CHRNB3: variants seen among roughly 807,000 people sequenced by gnomAD.
The protein encoded by CHRNB3 is neuronal acetylcholine receptor subunit beta-3.
In CHRNB3, 37 loss-of-function variants were observed where a neutral mutation model predicts 40.6. That is an observed-to-expected ratio of 0.91 (90% confidence interval 0.70 to 1.20). The LOEUF (loss-of-function observed/expected upper bound fraction) is 1.20. CHRNB3 is among the 50% of genes most tolerant of loss of function. CHRNB3 has a pLI of 0.00. For synonymous variants in CHRNB3, 207 were observed against 207.1 expected, an observed-to-expected ratio of 1.00 and a Z score of 0.00; for missense variants, 505 against 551.2, an observed-to-expected ratio of 0.92 and a Z score of 0.84.
chr8:42,720,663 C>T (rs564162477), intron 3 of CHRNB3, among the ~76,000 whole-genome samples: 1 of 152,290 alleles, frequency 6.6e-6, no homozygotes, highest in South Asian at 2.1e-4. Context: ...TCTTTGAAAA[C>T]AGTGAGCCCC....
At chr8:42,700,916 A>G (rs1815781461) in intron 1 of CHRNB3, among the ~76,000 whole-genome samples, 1 of 151,740 alleles carries the variant, frequency 6.6e-6, no homozygotes, top group African/African-American at 2.4e-5. Context: ...GGCGTCTGAG[A>G]GACTGAGGAA....
In CHRNB3 at chr8:42,715,976, C is replaced by CCTTTTT. The variant is rs1554590400; in HGVS notation, c.249+5542_249+5543insCTTTTT. 9.7e-5 allele frequency among the ~76,000 whole-genome samples: 12 copies of CCTTTTT among 124,194 alleles called. 1 individual carries two copies. Among genetic ancestry groups the CCTTTTT allele is most frequent in the African/African-American group, 3.2e-4 (11 of 34,730 alleles). The allele number at this position is 124,194 out of a possible 152,430, so 81.5% of individuals were successfully genotyped here. ...TAGAGACAATGAAAATTAAACTGACCTTTTTTTTTTTTTTTTTTTTGAGAT... is the reference window on the plus strand; with the variant it reads ...TAGAGACAATGAAAATTAAACTGACCCTTTTTTTTTTTTTTTTTTTTTTTTTGAGAT... On this transcript the variant is annotated intron_variant, in intron 3 of 5. Transcript: ENST00000289957.
chr8:42,726,105 T>G (rs971255451), intron 3 of CHRNB3: 47 of 1,164,060 alleles, frequency 4.0e-5, no homozygotes, highest in Non-Finnish European at 5.7e-5. Context: ...TTTCTTTTTC[T>G]CTGCTCCTTC....
chr8:42,723,160 C>G (rs1392525686), intron 3 of CHRNB3, among the ~76,000 whole-genome samples: 1 of 134,696 alleles, frequency 7.4e-6, no homozygotes, highest in East Asian at 1.9e-4. Flanking sequence ...TAATAGGATA[C>G]CTATTACCTA....
At chr8:42,724,709 T>C (rs927067146) in intron 3 of CHRNB3, among the ~76,000 whole-genome samples, 2 of 152,132 alleles carry the variant, frequency 1.3e-5, no homozygotes, top group African/African-American at 4.8e-5. Flanking sequence ...CCGGGCGCGG[T>C]GGCTCACGCC....
At chr8:42,710,042 C>A (rs112112185) in intron 2 of CHRNB3, among the ~76,000 whole-genome samples, 5 of 152,290 alleles carry the variant, frequency 3.3e-5, no homozygotes, top group African/African-American at 1.2e-4. Context: ...ATCCGCATGC[C>A]ATTTGACTAT....
chr8:42,728,992 T>C (rs62515862), intron 3 of CHRNB3, among the ~76,000 whole-genome samples: 8,699 of 152,166 alleles, frequency 0.057, 325 homozygotes, highest in Middle Eastern at 0.11. Flanking sequence ...ATTATATTTG[T>C]TCTTCGAAAT....
chr8:42,720,787 C>G (rs1327941786), intron 3 of CHRNB3, among the ~76,000 whole-genome samples: 4 of 152,220 alleles, frequency 2.6e-5, no homozygotes, highest in Non-Finnish European at 5.9e-5. Flanking sequence ...GAGGCTTGCC[C>G]TAGTTCTCTT....
chr8:42,720,982 A>C (rs1484928687), intron 3 of CHRNB3, among the ~76,000 whole-genome samples: 2 of 152,238 alleles, frequency 1.3e-5, no homozygotes, highest in Admixed American at 6.5e-5. Flanking sequence ...CATTTCCATC[A>C]ATCTTTAGGT....
chr8:42,723,666 G>A (rs1243242999), intron 3 of CHRNB3, among the ~76,000 whole-genome samples: 1 of 152,176 alleles, frequency 6.6e-6, no homozygotes, highest in African/African-American at 2.4e-5. Flanking sequence ...TGGCTGCATG[G>A]ATGACCCAGC....
At chr8:42,701,562 A>G (rs899246680) in intron 1 of CHRNB3, among the ~76,000 whole-genome samples, 1 of 152,132 alleles carries the variant, frequency 6.6e-6, no homozygotes, top group African/African-American at 2.4e-5. Flanking sequence ...TAAAAAGAAT[A>G]AAGAGACCAG....
chr8:42,736,552 G>C lies in CHRNB3; in HGVS notation c.1311G>C (p.Val437=). The part of the protein sequence containing the change: ...DRIFLWLFLI[V]SVTGSVLIFT... ...TCTTCCTGTGGCTCTTTCTGATAGTGTCAGTAACAGGCTCGGTTCTGATTT... is the reference window on the plus strand; with the variant it reads ...TCTTCCTGTGGCTCTTTCTGATAGTCTCAGTAACAGGCTCGGTTCTGATTT... The change falls in exon 6 of 6, where the codon GTG becomes GTC. Residue 437 remains valine, a synonymous_variant. Transcript: ENST00000289957. 6.2e-7 allele frequency: 1 copy of C among 1,614,162 alleles called. No homozygotes were observed. The highest frequency in any genetic ancestry group is 1.1e-5 in the South Asian group (1 of 91,086).
intron 1 of CHRNB3, 50 bp from the exon 2 acceptor site, chr8:42,708,667 G>A: frequency 6.3e-7 from 1 of 1,593,138 alleles, no homozygotes; most frequent in Non-Finnish European, 8.6e-7. Flanking sequence ...CACTCATCCA[G>A]GCATCGTGCC....
intron 1 of CHRNB3, chr8:42,705,606 C>T (rs1815908935): frequency 6.6e-6 from 1 of 152,302 alleles, no homozygotes; most frequent in Non-Finnish European, 1.5e-5. Flanking sequence ...TTCCCAGTCT[C>T]TAGAACCATA....
intron 1 of CHRNB3, among the ~76,000 whole-genome samples, chr8:42,706,797 G>A (rs1382162384): frequency 1.3e-5 from 2 of 152,086 alleles, no homozygotes; most frequent in Admixed American, 1.3e-4. Flanking sequence ...GTCTTGCTCT[G>A]TCACCTAGGC....
chr8:42,709,075 A>T (rs1015169052), intron 2 of CHRNB3, among the ~76,000 whole-genome samples: 2 of 152,152 alleles, frequency 1.3e-5, no homozygotes, highest in Non-Finnish European at 2.9e-5. Flanking sequence ...CAGCACTGTT[A>T]GTGTGGGACG....
chr8:42,732,542 T>G lies in CHRNB3; in HGVS notation c.1235T>G (p.Ile412Ser). 1 of 1,590,388 alleles carries G rather than the reference T, an allele frequency of 6.3e-7. No individual in the cohort carries two copies. ...ISRHVKKEHF[I>S]SQVVQDWKFV... ...AGACATGTGAAGAAAGAACATTTTA[T>G]CAGCCAGGTGAGTAAACTGGTATTC... The change falls in exon 5 of 6, where the codon ATC (isoleucine) becomes AGC (serine). Residue 412 changes from isoleucine to serine, a missense_variant. Coordinates refer to ENST00000289957, the MANE Select transcript of CHRNB3 (RefSeq NM_000749.5).
At position 42,730,710 on chromosome 8, in the gene CHRNB3, A is replaced by T. The variant is rs1816395520; in HGVS notation, c.359+7A>T. 1 of 1,535,978 alleles carries T rather than the reference A, an allele frequency of 6.5e-7. No individual in the cohort carries two copies. The highest frequency in any genetic ancestry group is 1.2e-5 in the South Asian group (1 of 85,530). ...ACATAGTTCTCTTTGAAAAGTAAGT[A>T]TCACATTGTTTCTTACTTATGGGGA... On this transcript the variant is annotated splice_region_variant and intron_variant, in intron 4 of 5. Transcript: ENST00000289957.
chr8:42,702,001 C>G (rs2128904217), intron 1 of CHRNB3, among the ~76,000 whole-genome samples: 2 of 152,318 alleles, frequency 1.3e-5, no homozygotes, highest in Middle Eastern at 6.8e-3. Context: ...GTCTCTAAAT[C>G]AGAGTCCAAT....
Sources: gnomAD v4.1 joint callset for allele counts (sites outside exome capture counted in the v4.1 genomes callset) on GRCh38, gnomAD v4.1.1 for gene constraint, MANE v1.5 for transcripts, NCBI Gene and HGNC (gene_info 2026-07-23, HGNC 2026-07-21) for gene names.